GABRA3: variants seen among roughly 807,000 people sequenced by gnomAD.
GABRA3 encodes the protein gamma-aminobutyric acid receptor subunit alpha-3.
A neutral mutation model predicts 30.1 loss-of-function variants in GABRA3; 10 were observed. That is an observed-to-expected ratio of 0.33 (90% CI 0.20 to 0.56). The LOEUF is 0.56. Among genes scored for constraint, GABRA3 ranks in the 20% least tolerant of loss-of-function variants. GABRA3 has a pLI of 0.89. For missense variants in GABRA3, 233 were observed against 392.0 expected (o/e 0.59, Z 3.42); for synonymous variants, 151 against 146.8 (o/e 1.03, Z -0.21).
intron 1 of GABRA3, among the ~76,000 whole-genome samples, chrX:152,383,974 A>AT (rs1491407648): frequency 2.2e-4 from 2 of 9,018 alleles, no homozygotes; most frequent in Non-Finnish European, 9.7e-4. Context: ...ACTCCACCAC[A>AT]AAAAAAAAAA....
At chrX:152,378,184 G>A (rs960198701) in intron 1 of GABRA3, among the ~76,000 whole-genome samples, 4 of 111,676 alleles carry the variant, frequency 3.6e-5, no homozygotes, top group South Asian at 7.5e-4. Context: ...ATAATTTTTC[G>A]CAGACATTGG....
chrX:152,325,019 G>A (rs1487378615), intron 3 of GABRA3, among the ~76,000 whole-genome samples: 1 of 111,580 alleles, frequency 9.0e-6, no homozygotes, highest in East Asian at 2.8e-4. Context: ...TGATAGTCCT[G>A]TTGTTCTGTG....
At chrX:152,350,780 T>C (rs372810427) in intron 2 of GABRA3, among the ~76,000 whole-genome samples, 4 of 111,741 alleles carry the variant, frequency 3.6e-5, no homozygotes, top group South Asian at 3.7e-4. Context: ...GGAATCACTA[T>C]CTATGGAAGC....
At position 152,356,684 on chromosome X, in the gene GABRA3, G is replaced by C. The variant is rs866139840; in HGVS notation, c.140+7747C>G. 2.7e-5 allele frequency among the ~76,000 whole-genome samples: 3 copies of C among 110,719 alleles called. 1 individual carries two copies. In the South Asian group the frequency reaches 1.1e-3, roughly 42 times the overall value. On this transcript the variant is annotated intron_variant, in intron 2 of 9. Coordinates refer to ENST00000370314, the MANE Select transcript of GABRA3 (RefSeq NM_000808.4). ...ATGAGGGTTGGTGTACAGATATTTC[G>C]TCACCCAGGTAATAAGCATAGTACC... is the stretch of plus-strand genomic sequence containing the variant.
rs1292334000 is a variant in GABRA3 at position 152,262,233 on chromosome X, T to A, written c.331-6235A>T. Among the ~76,000 whole-genome samples the A allele has an allele frequency of 4.4e-5, 5 of 112,748 alleles. No individual in the cohort carries two copies. In the Admixed American group the frequency reaches 4.7e-4, roughly 11 times the overall value. On this transcript the variant is annotated intron_variant, in intron 4 of 9. Coordinates refer to ENST00000370314, the MANE Select transcript of GABRA3 (RefSeq NM_000808.4). ...CTGGGCCTGTGATGGAAGGGGCTGC[T>A]GTAACGGTCTCTGACATGTCCTGGA...
chrX:152,436,897 C>T (rs1930790121), intron 1 of GABRA3, among the ~76,000 whole-genome samples: 1 of 110,835 alleles, frequency 9.0e-6, no homozygotes, highest in East Asian at 2.8e-4. Context: ...AAAGACAAGC[C>T]ACAGAAGGGC....
At chrX:152,227,195 T>C (rs1293818265) in intron 5 of GABRA3, among the ~76,000 whole-genome samples, 1 of 108,806 alleles carries the variant, frequency 9.2e-6, no homozygotes, top group Non-Finnish European at 1.9e-5. Flanking sequence ...TGGAATACTA[T>C]GCAGCCATAA....
intron 1 of GABRA3, among the ~76,000 whole-genome samples, chrX:152,391,458 C>T (rs1365996003): frequency 9.0e-6 from 1 of 111,076 alleles, no homozygotes; most frequent in Non-Finnish European, 1.9e-5. Flanking sequence ...AGCCACAATA[C>T]GGGAAAGAAT....
At chrX:152,299,264 T>A (rs1225715539) in intron 3 of GABRA3, among the ~76,000 whole-genome samples, 1 of 112,061 alleles carries the variant, frequency 8.9e-6, no homozygotes, top group Non-Finnish European at 1.9e-5. Context: ...AAAATTGCTC[T>A]GTATGAAAGG....
intron 4 of GABRA3, among the ~76,000 whole-genome samples, chrX:152,256,454 A>G (rs908661441): frequency 1.2e-4 from 13 of 111,666 alleles, no homozygotes; most frequent in African/African-American, 4.2e-4. Flanking sequence ...TCAAAATAAC[A>G]ATATGTCTGA....
intron 5 of GABRA3, among the ~76,000 whole-genome samples, chrX:152,227,598 A>ATTT (rs766305476): frequency 2.1e-5 from 2 of 95,099 alleles, no homozygotes; most frequent in African/African-American, 3.8e-5. Context: ...AATGGGTTAC[A>ATTT]TTTTTTTTTT....
chrX:152,344,383 C>G (rs1055458468), intron 3 of GABRA3, among the ~76,000 whole-genome samples: 3 of 111,315 alleles, frequency 2.7e-5, no homozygotes, highest in Non-Finnish European at 5.7e-5. Flanking sequence ...CTGACATTAG[C>G]TAATTAATTA....
chrX:152,275,334 A>C (rs1452504220), intron 4 of GABRA3, among the ~76,000 whole-genome samples: 3 of 8,316 alleles, frequency 3.6e-4, no homozygotes, highest in African/African-American at 1.1e-3. Context: ...ATATATATTT[A>C]ATATTATATA....
chrX:152,192,922 C>T (rs904469529), intron 8 of GABRA3, among the ~76,000 whole-genome samples: 3 of 111,989 alleles, frequency 2.7e-5, no homozygotes, highest in Admixed American at 1.9e-4. Context: ...ATGCATAACC[C>T]CCTTTTGGTC....
intron 1 of GABRA3, among the ~76,000 whole-genome samples, chrX:152,381,013 T>G (rs1929129722): frequency 9.0e-6 from 1 of 111,243 alleles, no homozygotes; most frequent in Non-Finnish European, 1.9e-5. Context: ...GGGAAATAGA[T>G]TCGTTCCTAG....
intron 5 of GABRA3, among the ~76,000 whole-genome samples, chrX:152,253,451 C>G (rs1265910719): frequency 9.0e-6 from 1 of 111,386 alleles, no homozygotes; most frequent in Non-Finnish European, 1.9e-5. Context: ...ATCATCTACT[C>G]CAGCCTATAG....
At chrX:152,377,202 T>C (rs1929021229) in intron 1 of GABRA3, among the ~76,000 whole-genome samples, 2 of 111,750 alleles carry the variant, frequency 1.8e-5, no homozygotes, top group Admixed American at 1.9e-4. Flanking sequence ...TTAATATATT[T>C]TGTACTGTAC....
At chrX:152,276,533 T>C (rs1270568053) in intron 4 of GABRA3, among the ~76,000 whole-genome samples, 1 of 111,401 alleles carries the variant, frequency 9.0e-6, no homozygotes, top group Non-Finnish European at 1.9e-5. Flanking sequence ...CCTAAAGAAA[T>C]TAAAAAATGT....
chrX:152,261,442 G>A (rs1216428272), intron 4 of GABRA3, among the ~76,000 whole-genome samples: 3 of 111,899 alleles, frequency 2.7e-5, no homozygotes, highest in African/African-American at 6.5e-5. Context: ...AAGCAAGTTC[G>A]TTACTACCTG....
Sources: allele counts gnomAD v4.1 joint callset (sites outside exome capture counted in the v4.1 genomes callset), GRCh38; gene constraint gnomAD v4.1.1; transcripts MANE v1.5; gene names NCBI Gene and HGNC (gene_info 2026-07-23, HGNC 2026-07-21).